CACNA1F: variants seen among roughly 807,000 people sequenced by gnomAD.
The protein encoded by CACNA1F is calcium voltage-gated channel subunit alpha1 F.
Under a neutral mutation model 143.8 loss-of-function variants are expected in CACNA1F, and 59 were observed. That is an observed-to-expected ratio of 0.41 (90% CI 0.33 to 0.51). The LOEUF is 0.51. Among genes scored for constraint, CACNA1F ranks in the 20% least tolerant of loss-of-function variants. The pLI, the probability that CACNA1F is intolerant of heterozygous loss-of-function variation, is 0.22. For missense variants in CACNA1F, 1,411 were observed against 1,647.5 expected (o/e 0.86, Z 2.48); for synonymous variants, 643 against 649.1 (o/e 0.99, Z 0.14).
chrX:49,208,197 C>CAA (rs1182146690), intron 43 of CACNA1F, among the ~76,000 whole-genome samples: 56 of 47,358 alleles, frequency 1.2e-3, no homozygotes, highest in Admixed American at 2.1e-3. Flanking sequence ...GACTCTGTCT[C>CAA]AAAAAAAAAA....
Position 49,226,479 on chromosome X carries a change from C to T in CACNA1F, c.1393G>A (p.Gly465Ser), listed in dbSNP as rs782037517. The T allele has an allele frequency of 9.3e-6, 11 of 1,189,181 alleles. No individual in the cohort carries two copies. The East Asian group carries it at 1.8e-4, about 20-fold the overall frequency. The change falls in exon 11 of 48, where the codon GGT (glycine) becomes AGT (serine). Residue 465 changes from glycine to serine, a missense_variant. Transcript: ENST00000323022. ...TCGCCTTGGGTCTCTGTCATGGAAC[C>T]GGTGTCACTGGCTGGGAGGCTGGCT... ...SHASLPASDT[G>S]SMTETQGDED...
At chrX:49,232,435 G>A (rs1251528499) in intron 1 of CACNA1F, among the ~76,000 whole-genome samples, 4 of 111,645 alleles carry the variant, frequency 3.6e-5, no homozygotes, top group African/African-American at 1.3e-4. Flanking sequence ...CTCAGAGGGC[G>A]GTAGATTGGC....
intron 3 of CACNA1F, 57 bp downstream of exon 3, chrX:49,231,145 T>G (rs2065874767): frequency 1.1e-6 from 1 of 884,458 alleles, no homozygotes; most frequent in Non-Finnish European, 1.6e-6. Flanking sequence ...CTGGAAGGAG[T>G]GAGCTCTACT....
At position 49,205,311 on chromosome X, in the gene CACNA1F, C is replaced by T; in HGVS notation, c.5727G>A (p.Leu1909=). ...ACGCATCTGCAATCTCCTGCTTGGC[C>T]AGGGCCACGAAACGTGGGTCTCGAG... The part of the protein sequence containing the change: ...LFARDPRFVA[L]AKQEIADACR... The change falls in exon 48 of 48, where the codon CTG becomes CTA. Residue 1909 remains leucine, a synonymous_variant. Coordinates refer to ENST00000323022, the MANE Select transcript of CACNA1F (RefSeq NM_001256789.3). 1 of 1,209,837 alleles carries T rather than the reference C, an allele frequency of 8.3e-7. No homozygotes were observed. The highest frequency in any genetic ancestry group is 1.1e-6 in the Non-Finnish European group (1 of 894,709).
At chrX:49,223,420 C>T (rs967204248) in intron 14 of CACNA1F, among the ~76,000 whole-genome samples, 9 of 106,601 alleles carry the variant, frequency 8.4e-5, no homozygotes, top group Non-Finnish European at 1.5e-4. Flanking sequence ...CTGGCTAACA[C>T]GGTGAAACCC....
At chrX:49,223,722 T>A (rs1412290229) in intron 14 of CACNA1F, among the ~76,000 whole-genome samples, 2 of 91,761 alleles carry the variant, frequency 2.2e-5, no homozygotes, top group African/African-American at 7.8e-5. Context: ...ATGGAGTTTT[T>A]TTTTTTCTTA....
chrX:49,207,157 G>A (rs920716868), intron 43 of CACNA1F, 45 bp from the exon 44 acceptor site: 1 of 782,991 alleles, frequency 1.3e-6, no homozygotes, highest in Admixed American at 2.6e-5. Flanking sequence ...CCCTCAATAT[G>A]TGGCCCTGGA....
At chrX:49,218,781 G>C (rs2065744431) in intron 22 of CACNA1F, 46 bp from the exon 23 acceptor site, 2 of 914,374 alleles carry the variant, frequency 2.2e-6, no homozygotes, top group Admixed American at 5.2e-5. Context: ...GGATGGTGGG[G>C]GTTGGGGGAG....
chrX:49,221,038 G>A lies in CACNA1F; in HGVS notation c.2331C>T (p.Gly777=), dbSNP rs369217056. The A allele has an allele frequency of 1.7e-6, 2 of 1,207,326 alleles. No homozygotes were observed. The highest frequency in any genetic ancestry group is 2.2e-6 in the Non-Finnish European group (2 of 891,178). ...AGTGCCCAGGCATCTAACTCACCAG[G>A]CCTTCATTCTCCTGTGGGAGATCCT... is the stretch of plus-strand genomic sequence containing the variant. ...NEKDLPQENE[G]LVPGVEKEEE... Residue 777 remains glycine (G), a synonymous_variant, in exon 18 of 48, where the codon GGC becomes GGT. Transcript: ENST00000323022.
chrX:49,213,734 C>G (rs1021253423), intron 31 of CACNA1F, 85 bp downstream of exon 31: 50 of 651,005 alleles, frequency 7.7e-5, no homozygotes, highest in Middle Eastern at 6.0e-4. Flanking sequence ...TGGGAGCCAC[C>G]CACCCACGTG....
Position 49,209,745 on chromosome X carries a change from C to T in CACNA1F, c.4705G>A (p.Val1569Met). The T allele has an allele frequency of 8.3e-7, 1 of 1,211,454 alleles. No homozygotes were observed. Among genetic ancestry groups the T allele is most frequent in the East Asian group, 3.0e-5 (1 of 33,812 alleles). Residue 1569 changes from valine (V) to methionine (M), a missense_variant, in exon 41 of 48, where the codon GTG becomes ATG. Physicochemically the swap from Val to Met is conservative, Grantham distance 21 (BLOSUM62 1). Coordinates refer to ENST00000323022, the MANE Select transcript of CACNA1F (RefSeq NM_001256789.3). ...IPPPDEEEVTVGKFYATFLIQ... is the reference protein window; with the variant it reads ...IPPPDEEEVTMGKFYATFLIQ... Reference sequence around the variant, plus strand: ...AGAAATGTGGCGTAGAATTTGCCCACGGTGACCTCCTCCTCTAGGGGCAAG... The same window carrying T: ...AGAAATGTGGCGTAGAATTTGCCCATGGTGACCTCCTCCTCTAGGGGCAAG...
intron 47 of CACNA1F, 26 bp downstream of exon 47, chrX:49,205,588 GTC>G (rs782770311): frequency 8.5e-7 from 1 of 1,179,276 alleles, no homozygotes; most frequent in Admixed American, 2.3e-5. Context: ...TCCCCCATCC[GTC>G]TTGTCTATAT....
rs782683491 is a variant in CACNA1F at position 49,211,319 on chromosome X, C to T, written c.4260+3G>A. On this transcript the variant is annotated splice_donor_region_variant and intron_variant, in intron 36 of 47. Coordinates refer to ENST00000323022, the MANE Select transcript of CACNA1F (RefSeq NM_001256789.3). The stretch of plus-strand genomic sequence containing the variant: ...GTGGTGGTTGTGAGGAAATGGTTCT[C>T]ACCAGGAAGGCACAGAGCATGAAGA... 9.9e-6 allele frequency: 12 copies of T among 1,211,236 alleles called. No homozygotes were observed. The highest frequency in any genetic ancestry group is 7.8e-6 in the Non-Finnish European group (7 of 895,026).
In CACNA1F at chrX:49,205,308, G is replaced by A. The variant is rs1557104548; in HGVS notation, c.5730C>T (p.Ala1910=). 8.3e-7 allele frequency: 1 copy of A among 1,207,291 alleles called. No individual in the cohort carries two copies. The highest frequency in any genetic ancestry group is 1.8e-5 in the African/African-American group (1 of 56,749). Residue 1910 remains alanine, a synonymous_variant, in exon 48 of 48, where the codon GCC becomes GCT. Coordinates refer to ENST00000323022, the MANE Select transcript of CACNA1F (RefSeq NM_001256789.3). The stretch of plus-strand genomic sequence containing the variant: ...GACACGCATCTGCAATCTCCTGCTT[G>A]GCCAGGGCCACGAAACGTGGGTCTC... ...FARDPRFVAL[A]KQEIADACRL...
rs963010610 is a variant in CACNA1F at position 49,222,195 on chromosome X, T to C, written c.2288+327A>G. 5 of 193,704 alleles carry C rather than the reference T, an allele frequency of 2.6e-5. No homozygotes were observed. In the East Asian group the frequency reaches 4.1e-4, roughly 16 times the overall value. 16.0% of individuals were successfully genotyped at this position (193,704 alleles called of 1,213,427 possible). A position where few individuals can be genotyped will look rare whatever the true frequency, so the allele number is the denominator to read the frequency against. ...TTCATTTCTTGCTATCCTTTCATTC[T>C]GTTTTCTCTTTATTACATATTATTA... On this transcript the variant is annotated intron_variant, in intron 17 of 47. Transcript: ENST00000323022.
chrX:49,231,015 C>A (rs782688814), intron 3 of CACNA1F, 26 bp from the exon 4 acceptor site: 2 of 972,143 alleles, frequency 2.1e-6, no homozygotes, highest in South Asian at 4.2e-5. Flanking sequence ...GGGGGCGGGT[C>A]GGGAAGTCGA....
intron 4 of CACNA1F, 86 bp from the exon 5 acceptor site, chrX:49,230,695 C>T (rs1476424527): frequency 1.8e-6 from 2 of 1,093,038 alleles, no homozygotes; most frequent in East Asian, 6.6e-5. Context: ...AAGCACAAGT[C>T]CCTGTAACTA....
At chrX:49,220,576 G>A in intron 18 of CACNA1F, 52 bp from the exon 19 acceptor site, 1 of 977,201 alleles carries the variant, frequency 1.0e-6, no homozygotes, top group Non-Finnish European at 1.5e-6. Flanking sequence ...ACAGGGAATG[G>A]ACACAGGGGA....
chrX:49,222,927 A>G lies in CACNA1F; in HGVS notation c.2085+2T>C. 8.3e-7 allele frequency: 1 copy of G among 1,207,397 alleles called. No homozygotes were observed. Among genetic ancestry groups the G allele is most frequent in the Non-Finnish European group, 1.1e-6 (1 of 893,108 alleles). ...ACCCATCCCATGGTCTCCAGATCCT[A>G]CCTGAAAGACAGTGAGGAGGGCCTG... On this transcript the variant is annotated splice_donor_variant, in intron 15 of 47. Coordinates refer to ENST00000323022, the MANE Select transcript of CACNA1F (RefSeq NM_001256789.3). LOFTEE classifies it high-confidence loss of function.
Sources: gnomAD v4.1 joint callset for allele counts (sites outside exome capture counted in the v4.1 genomes callset) on GRCh38, gnomAD v4.1.1 for gene constraint, MANE v1.5 for transcripts, NCBI Gene and HGNC (gene_info 2026-07-23, HGNC 2026-07-21) for gene names.